Variants in PDGFD observed in about 807,000 individuals in gnomAD.
PDGFD encodes the protein platelet-derived growth factor D.
PDGFD carries 30 observed loss-of-function variants against 44.7 expected under a neutral mutation model. The observed-to-expected ratio is 0.67, with a 90% CI of 0.50 to 0.91. The LOEUF is 0.91. Among genes scored for constraint, PDGFD ranks in the 40% least tolerant of loss-of-function variants. PDGFD has a pLI of 0.00. For synonymous variants in PDGFD, 173 were observed against 168.4 expected, an observed-to-expected ratio of 1.03 and a Z score of -0.21; for missense variants, 445 against 457.8, an observed-to-expected ratio of 0.97 and a Z score of 0.25.
At chr11:103,941,522 G>GT (rs1858583624) in intron 5 of PDGFD, among the ~76,000 whole-genome samples, 1 of 152,018 alleles carries the variant, frequency 6.6e-6, no homozygotes, top group South Asian at 2.1e-4. Flanking sequence ...TTTTGAACAC[G>GT]TATCAAGTGT....
chr11:104,087,297 G>C (rs1861146215), intron 1 of PDGFD, among the ~76,000 whole-genome samples: 1 of 150,944 alleles, frequency 6.6e-6, no homozygotes, highest in Non-Finnish European at 1.5e-5. Context: ...CCAGGTTCAA[G>C]TGATTCTCCT....
chr11:104,143,572 T>C (rs1203900767), intron 1 of PDGFD, among the ~76,000 whole-genome samples: 1 of 152,172 alleles, frequency 6.6e-6, no homozygotes, highest in Non-Finnish European at 1.5e-5. Context: ...AGTTCTGGGA[T>C]AGAAGCACCA....
chr11:104,159,917 C>T (rs1208270727), intron 1 of PDGFD, among the ~76,000 whole-genome samples: 1 of 152,152 alleles, frequency 6.6e-6, no homozygotes, highest in Admixed American at 6.5e-5. Context: ...TCCATGGTGG[C>T]AAGTCAATGC....
At chr11:104,158,057 C>T (rs1862333160) in intron 1 of PDGFD, among the ~76,000 whole-genome samples, 3 of 152,248 alleles carry the variant, frequency 2.0e-5, no homozygotes. Flanking sequence ...TCAGACACCA[C>T]TTCCTCTAGG....
chr11:104,121,955 TGA>T (rs751167674), intron 1 of PDGFD, among the ~76,000 whole-genome samples: 2 of 152,050 alleles, frequency 1.3e-5, no homozygotes, highest in Non-Finnish European at 2.9e-5. Flanking sequence ...TAGACACATC[TGA>T]TGATAATATA....
chr11:104,101,560 G>C (rs938829464), intron 1 of PDGFD, among the ~76,000 whole-genome samples: 17 of 152,108 alleles, frequency 1.1e-4, no homozygotes, highest in African/African-American at 3.9e-4. Flanking sequence ...TTTCTTCACA[G>C]AATTGGAAAA....
At chr11:104,052,594 C>T (rs1860559236) in intron 1 of PDGFD, among the ~76,000 whole-genome samples, 1 of 152,076 alleles carries the variant, frequency 6.6e-6, no homozygotes, top group African/African-American at 2.4e-5. Context: ...ATAAAGAAGA[C>T]TGTAGGGGTA....
intron 1 of PDGFD, among the ~76,000 whole-genome samples, chr11:104,079,804 T>C (rs1013498389): frequency 2.6e-5 from 3 of 113,736 alleles, no homozygotes; most frequent in African/African-American, 9.9e-5. Context: ...GATATATATA[T>C]ATAAAACCAC....
intron 1 of PDGFD, chr11:104,036,725 A>G: frequency 1.1e-6 from 1 of 914,154 alleles, no homozygotes; most frequent in East Asian, 2.4e-5. Flanking sequence ...CTACCTACCA[A>G]GTCCTGAGGA....
intron 1 of PDGFD, among the ~76,000 whole-genome samples, chr11:104,161,950 A>AGTGTGTGTGTGTGT (rs3050634): frequency 2.7e-5 from 4 of 149,016 alleles, no homozygotes; most frequent in Admixed American, 1.3e-4. Context: ...AATCAAAGAG[A>AGTGTGTGTGTGTGT]GTGTGTGTGT....
At chr11:104,080,408 T>A (rs1236520351) in intron 1 of PDGFD, among the ~76,000 whole-genome samples, 1 of 152,192 alleles carries the variant, frequency 6.6e-6, no homozygotes, top group African/African-American at 2.4e-5. Context: ...AAATATCATA[T>A]GATTCTTTCT....
rs1339209044 is a variant in PDGFD, at chr11:103,909,205, T to C, written c.*489A>G. 1 of 152,760 alleles carries C rather than the reference T, an allele frequency of 6.5e-6. No individual in the cohort carries two copies. The highest frequency in any genetic ancestry group is 1.5e-5 in the Non-Finnish European group (1 of 68,406). 9.5% of individuals were successfully genotyped at this position (152,760 alleles called of 1,614,324 possible). A position where few individuals can be genotyped will look rare whatever the true frequency, so the allele number is the denominator to read the frequency against. On this transcript the variant is annotated 3_prime_UTR_variant, in exon 7 of 7. Coordinates refer to ENST00000393158, the MANE Select transcript of PDGFD (RefSeq NM_025208.5). ...GAAAGCCTCATCTTTTGATTTTTAA[T>C]ATACAAGATGCTTTCTTTAAGAGAG...
At chr11:104,011,002 G>C (rs1859777126) in intron 1 of PDGFD, among the ~76,000 whole-genome samples, 1 of 151,962 alleles carries the variant, frequency 6.6e-6, no homozygotes, top group Admixed American at 6.6e-5. Context: ...AAATAGAAAA[G>C]TCATACCCAG....
At chr11:104,106,901 G>A (rs1222541102) in intron 1 of PDGFD, among the ~76,000 whole-genome samples, 9 of 151,850 alleles carry the variant, frequency 5.9e-5, no homozygotes, top group Non-Finnish European at 1.5e-5. Context: ...GTGCCACCAC[G>A]CCTGGCTAAT....
At chr11:104,042,610 T>C (rs1860374931) in intron 1 of PDGFD, among the ~76,000 whole-genome samples, 1 of 152,232 alleles carries the variant, frequency 6.6e-6, no homozygotes, top group Admixed American at 6.5e-5. Context: ...TTTCCTCTTA[T>C]GTTAAAGTCC....
intron 1 of PDGFD, among the ~76,000 whole-genome samples, chr11:104,087,844 C>G (rs1029070751): frequency 6.6e-6 from 1 of 152,190 alleles, no homozygotes; most frequent in African/African-American, 2.4e-5. Context: ...TTTCATTTGG[C>G]ATAACTGGCA....
chr11:104,075,529 G>A (rs530253526), intron 1 of PDGFD, among the ~76,000 whole-genome samples: 3 of 151,856 alleles, frequency 2.0e-5, no homozygotes, highest in Admixed American at 6.6e-5. Flanking sequence ...GGTCTTGCTC[G>A]GTCACCCAGA....
intron 1 of PDGFD, among the ~76,000 whole-genome samples, chr11:104,096,707 A>G (rs1227337028): frequency 6.6e-6 from 1 of 152,174 alleles, no homozygotes; most frequent in African/African-American, 2.4e-5. Flanking sequence ...TCAATATTTG[A>G]TAACTTGGAC....
chr11:104,084,741 AAT>A (rs1861097388), intron 1 of PDGFD, among the ~76,000 whole-genome samples: 1 of 136,378 alleles, frequency 7.3e-6, no homozygotes, highest in South Asian at 2.3e-4. Flanking sequence ...AGATATATGT[AAT>A]ATATTATAGT....
Sources: gnomAD v4.1 joint callset for allele counts (sites outside exome capture counted in the v4.1 genomes callset) on GRCh38, gnomAD v4.1.1 for gene constraint, MANE v1.5 for transcripts, NCBI Gene and HGNC (gene_info 2026-07-23, HGNC 2026-07-21) for gene names.